Variants in MNAT1 observed in about 807,000 individuals in gnomAD.
MNAT1 encodes CDK-activating kinase assembly factor MAT1.
In MNAT1, 43 loss-of-function variants were observed where a neutral mutation model predicts 42.0. The observed-to-expected ratio is 1.02, with a 90% CI of 0.80 to 1.32. MNAT1 has a LOEUF of 1.32. Ranked by LOEUF, MNAT1 falls within the 40% of genes most tolerant of loss-of-function variation. MNAT1 has a pLI of 0.00. For synonymous variants in MNAT1, 118 were observed against 120.0 expected, an observed-to-expected ratio of 0.98 and a Z score of 0.11; for missense variants, 306 against 350.4, an observed-to-expected ratio of 0.87 and a Z score of 1.01.
chr14:60,869,852 G>A (rs954906721), intron 6 of MNAT1, among the ~76,000 whole-genome samples: 4 of 151,846 alleles, frequency 2.6e-5, no homozygotes, highest in African/African-American at 9.7e-5. Context: ...ATGGTTTGTT[G>A]CATTCTAAAT....
intron 7 of MNAT1, among the ~76,000 whole-genome samples, chr14:60,949,914 A>G (rs2036350767): frequency 1.3e-5 from 2 of 152,222 alleles, no homozygotes; most frequent in African/African-American, 2.4e-5. Flanking sequence ...GTTATACATT[A>G]AACTAGAACT....
intron 6 of MNAT1, among the ~76,000 whole-genome samples, chr14:60,847,340 G>C (rs1340774849): frequency 6.7e-6 from 1 of 150,202 alleles, no homozygotes; most frequent in Non-Finnish European, 1.5e-5. Context: ...GGAGGCGGAG[G>C]TTGCAGTGAG....
intron 7 of MNAT1, among the ~76,000 whole-genome samples, chr14:60,915,503 A>C (rs1355876918): frequency 6.6e-6 from 1 of 152,144 alleles, no homozygotes; most frequent in Non-Finnish European, 1.5e-5. Flanking sequence ...TTTAATCAGC[A>C]CCTTGTTCAC....
chr14:60,882,879 C>T (rs990329037), intron 7 of MNAT1, among the ~76,000 whole-genome samples: 2 of 152,094 alleles, frequency 1.3e-5, no homozygotes, highest in African/African-American at 4.8e-5. Flanking sequence ...ATTTGTATAT[C>T]TTCCTTTGAG....
intron 1 of MNAT1, among the ~76,000 whole-genome samples, chr14:60,774,748 A>G (rs1482115710): frequency 3.3e-5 from 5 of 152,198 alleles, no homozygotes; most frequent in Admixed American, 3.3e-4. Flanking sequence ...GATGTGGGTA[A>G]TTAGGAAGTG....
At chr14:60,810,038 A>G (rs985964480) in intron 4 of MNAT1, among the ~76,000 whole-genome samples, 10 of 152,066 alleles carry the variant, frequency 6.6e-5, no homozygotes, top group Non-Finnish European at 1.3e-4. Context: ...AGGTCTTTTC[A>G]GATTTCCTGT....
intron 1 of MNAT1, among the ~76,000 whole-genome samples, chr14:60,747,148 C>T (rs1024053772): frequency 6.6e-6 from 1 of 151,146 alleles, no homozygotes; most frequent in Non-Finnish European, 1.5e-5. Flanking sequence ...CCACGCCCGG[C>T]TAATTTTTTG....
rs76846583 is a variant in MNAT1 at position 60,845,445 on chromosome 14, A to G, written c.687+26598A>G. 1.9e-4 allele frequency among the ~76,000 whole-genome samples: 29 copies of G among 152,188 alleles called. 1 individual carries two copies. In the East Asian group the frequency reaches 5.0e-3, roughly 26 times the overall value. ...AGAGTTACACTGCTAATTTTTAGCAAATTCCCAGCACTCTGCCTTTAATCT... is the reference window on the plus strand; with the variant it reads ...AGAGTTACACTGCTAATTTTTAGCAGATTCCCAGCACTCTGCCTTTAATCT... On this transcript the variant is annotated intron_variant, in intron 6 of 7. Coordinates refer to ENST00000261245, the MANE Select transcript of MNAT1 (RefSeq NM_002431.4).
intron 7 of MNAT1, among the ~76,000 whole-genome samples, chr14:60,895,004 A>T (rs1199451417): frequency 1.3e-5 from 2 of 152,204 alleles, no homozygotes. Context: ...GGAACTATTT[A>T]TCTACCAAAA....
At chr14:60,900,432 C>T (rs1479328217) in intron 7 of MNAT1, among the ~76,000 whole-genome samples, 1 of 152,154 alleles carries the variant, frequency 6.6e-6, no homozygotes, top group African/African-American at 2.4e-5. Flanking sequence ...GAAGCAAGAA[C>T]AATCCCTTAA....
chr14:60,767,383 T>G (rs1351532456), intron 1 of MNAT1, among the ~76,000 whole-genome samples: 1 of 152,120 alleles, frequency 6.6e-6, no homozygotes, highest in African/African-American at 2.4e-5. Flanking sequence ...TTTACTACAG[T>G]TTGTCCATCT....
intron 4 of MNAT1, among the ~76,000 whole-genome samples, chr14:60,809,782 A>G (rs947285616): frequency 6.6e-6 from 1 of 151,924 alleles, no homozygotes; most frequent in Non-Finnish European, 1.5e-5. Context: ...GAATTTTTGC[A>G]TTTTTGTTCA....
intron 3 of MNAT1, among the ~76,000 whole-genome samples, chr14:60,805,345 C>G (rs930029968): frequency 6.6e-6 from 1 of 152,048 alleles, no homozygotes; most frequent in Non-Finnish European, 1.5e-5. Flanking sequence ...ACAGCCTCCC[C>G]CATTATTAAC....
In MNAT1 at chr14:60,746,897, CAT is replaced by C. The variant is rs1173508656; in HGVS notation, c.89+11972_89+11973del. 7.3e-4 allele frequency among the ~76,000 whole-genome samples: 16 copies of C among 21,944 alleles called. 1 individual carries two copies. The highest frequency in any genetic ancestry group is 4.2e-3 in the African/African-American group (13 of 3,088). The allele number at this position is 21,944 out of a possible 152,430, so 14.4% of individuals were successfully genotyped here. ...GGGAATCCTTTTTAAAGATTCATTT[CAT>C]ATATATATATATATATATATATATA... On this transcript the variant is annotated intron_variant, in intron 1 of 7. Coordinates refer to ENST00000261245, the MANE Select transcript of MNAT1 (RefSeq NM_002431.4).
chr14:60,857,117 G>A (rs1445065466), intron 6 of MNAT1, among the ~76,000 whole-genome samples: 1 of 152,218 alleles, frequency 6.6e-6, no homozygotes, highest in Non-Finnish European at 1.5e-5. Context: ...TTGAAGCCCA[G>A]TGTTGAGACC....
rs913551533 is a variant in MNAT1 at position 60,845,197 on chromosome 14, GT to G, written c.687+26360del. 2.6e-4 allele frequency among the ~76,000 whole-genome samples: 39 copies of G among 147,270 alleles called. 1 individual carries two copies. Among genetic ancestry groups the G allele is most frequent in the East Asian group, 1.6e-3 (8 of 5,076 alleles). On this transcript the variant is annotated intron_variant, in intron 6 of 7. Coordinates refer to ENST00000261245, the MANE Select transcript of MNAT1 (RefSeq NM_002431.4). ...TTGAAAGAGTTTGTATGAAATTAAT[GT>G]TTTTTTTTTATGTGTTTCTATAGGG...
intron 7 of MNAT1, among the ~76,000 whole-genome samples, chr14:60,947,794 A>G (rs981454002): frequency 2.6e-5 from 4 of 152,238 alleles, no homozygotes; most frequent in Admixed American, 1.3e-4. Context: ...GTGTCTGACC[A>G]GTACTTCACT....
rs183679120 is a variant in MNAT1, at chr14:60,804,987, A to T, written c.317-3338A>T. On this transcript the variant is annotated intron_variant, in intron 3 of 7. Coordinates refer to ENST00000261245, the MANE Select transcript of MNAT1 (RefSeq NM_002431.4). Reference sequence around the variant, plus strand: ...TAGTAGAGCTCTACATGGGATATCAATTTGACCGCTTACTTTTCAGTAGAT... The same window carrying T: ...TAGTAGAGCTCTACATGGGATATCATTTTGACCGCTTACTTTTCAGTAGAT... 2.0e-5 allele frequency among the ~76,000 whole-genome samples: 3 copies of T among 152,304 alleles called. No homozygotes were observed. The East Asian group carries it at 5.8e-4, about 29-fold the overall frequency.
chr14:60,892,131 A>G (rs954428653), intron 7 of MNAT1, among the ~76,000 whole-genome samples: 2 of 152,088 alleles, frequency 1.3e-5, no homozygotes, highest in African/African-American at 4.8e-5. Context: ...ATTTTCTTGT[A>G]GTTGAGTATA....
Sources: allele counts gnomAD v4.1 joint callset (sites outside exome capture counted in the v4.1 genomes callset), GRCh38; gene constraint gnomAD v4.1.1; transcripts MANE v1.5; gene names NCBI Gene and HGNC (gene_info 2026-07-23, HGNC 2026-07-21).